The following USP31 variants were observed in gnomAD, a reference collection of about 807,000 sequenced individuals.
The protein encoded by USP31 is ubiquitin carboxyl-terminal hydrolase 31.
A neutral mutation model predicts 119.4 loss-of-function variants in USP31; 44 were observed. That is an observed-to-expected ratio of 0.37 (90% CI 0.29 to 0.47). The LOEUF is 0.47. USP31 is among the 20% of genes least tolerant of loss of function. The pLI, the probability that USP31 is intolerant of heterozygous loss-of-function variation, is 0.99. For synonymous variants in USP31, 749 were observed against 705.6 expected, an observed-to-expected ratio of 1.06 and a Z score of -0.97; for missense variants, 1,643 against 1,730.2, an observed-to-expected ratio of 0.95 and a Z score of 0.89.
At chr16:23,110,049 T>C (rs550316689) in intron 1 of USP31, among the ~76,000 whole-genome samples, 3 of 152,290 alleles carry the variant, frequency 2.0e-5, no homozygotes, top group African/African-American at 7.2e-5. Context: ...ATTTAATCAA[T>C]AGTAATGTAC....
intron 9 of USP31, among the ~76,000 whole-genome samples, chr16:23,086,512 G>A (rs1483708756): frequency 1.3e-5 from 2 of 152,094 alleles, no homozygotes; most frequent in African/African-American, 2.4e-5. Flanking sequence ...GTTGCTGGGG[G>A]TGGGAGGAGG....
At chr16:23,121,067 A>T (rs1902651798) in intron 1 of USP31, among the ~76,000 whole-genome samples, 1 of 152,182 alleles carries the variant, frequency 6.6e-6, no homozygotes. Context: ...CCTTGCATTG[A>T]CTCACTATTC....
chr16:23,090,899 A>T (rs1037346531), intron 6 of USP31, 95 bp from the exon 7 acceptor site: 96 of 1,182,718 alleles, frequency 8.1e-5, no homozygotes, highest in African/African-American at 2.1e-4. Context: ...AATTTTTTTT[A>T]AAAATGTCAT....
chr16:23,148,150 G>A (rs955729021), intron 1 of USP31, among the ~76,000 whole-genome samples: 1 of 152,182 alleles, frequency 6.6e-6, no homozygotes, highest in Non-Finnish European at 1.5e-5. Flanking sequence ...TTAAATATGG[G>A]TAATTCCACA....
In USP31 at chr16:23,137,845, T is replaced by G. The variant is rs896442082; in HGVS notation, c.633+10793A>C. On this transcript the variant is annotated intron_variant, in intron 1 of 15. Coordinates refer to ENST00000219689, the MANE Select transcript of USP31 (RefSeq NM_020718.4). ...AAACGTCCAAAGGAAGAGGACAGAA[T>G]AAGTAAATTATCACTTAGCAAAGTG... Among the ~76,000 whole-genome samples, 3 of 151,746 alleles carry G rather than the reference T, an allele frequency of 2.0e-5. No homozygotes were observed. In the East Asian group the frequency reaches 5.9e-4, roughly 30 times the overall value.
At chr16:23,113,090 G>A (rs1391199260) in intron 1 of USP31, among the ~76,000 whole-genome samples, 3 of 151,968 alleles carry the variant, frequency 2.0e-5, no homozygotes, top group East Asian at 1.9e-4. Context: ...TGGTTGACTC[G>A]GGATGGAAGA....
chr16:23,069,739 C>A, intron 15 of USP31, 123 bp from the exon 16 acceptor site: 6 of 1,305,892 alleles, frequency 4.6e-6, no homozygotes, highest in Non-Finnish European at 6.1e-6. Flanking sequence ...ACCTTCAGAG[C>A]CAGCCCATCT....
intron 6 of USP31, among the ~76,000 whole-genome samples, chr16:23,096,147 G>C (rs1269085593): frequency 2.0e-5 from 3 of 151,958 alleles, no homozygotes; most frequent in Non-Finnish European, 4.4e-5. Flanking sequence ...GATGGAGGAA[G>C]ATCTACCAAG....
intron 1 of USP31, among the ~76,000 whole-genome samples, chr16:23,114,034 G>A (rs938513837): frequency 1.3e-5 from 2 of 152,230 alleles, no homozygotes; most frequent in Middle Eastern, 3.4e-3. Context: ...GAACCTGGGA[G>A]GTGGAGATTG....
In USP31 at chr16:23,090,742, A is replaced by G; in HGVS notation, c.1297T>C (p.Ser433Pro). ...KFGLDYHRLS[S>P]PTQTAAKQGK... ...TGCTTTGCTGCTGTTTGTGTAGGAG[A>G]AGACAGTCTATGATAATCCAAGCCA... is the stretch of plus-strand genomic sequence containing the variant. The change falls in exon 7 of 16, where the codon TCT (serine) becomes CCT (proline). Residue 433 changes from serine to proline, a missense_variant. Coordinates refer to ENST00000219689, the MANE Select transcript of USP31 (RefSeq NM_020718.4). The G allele has an allele frequency of 6.2e-7, 1 of 1,613,798 alleles. No homozygotes were observed. Among genetic ancestry groups the G allele is most frequent in the Non-Finnish European group, 8.5e-7 (1 of 1,179,740 alleles).
chr16:23,130,201 A>G (rs1010614526), intron 1 of USP31, among the ~76,000 whole-genome samples: 25 of 152,214 alleles, frequency 1.6e-4, no homozygotes, highest in Admixed American at 6.5e-4. Flanking sequence ...TTTACATGGT[A>G]CTTTCTGTAT....
intron 15 of USP31, among the ~76,000 whole-genome samples, chr16:23,070,479 T>A (rs888701830): frequency 1.3e-5 from 2 of 152,126 alleles, no homozygotes; most frequent in African/African-American, 4.8e-5. Flanking sequence ...TTTGGGAGGC[T>A]GAGGTGGGCA....
At chr16:23,117,751 C>CTTTTTTTTTTTT (rs67615111) in intron 1 of USP31, among the ~76,000 whole-genome samples, 2 of 141,614 alleles carry the variant, frequency 1.4e-5, no homozygotes, top group African/African-American at 5.1e-5. Context: ...TTTTCCTTTT[C>CTTTTTTTTTTTT]TTTTTTTTTT....
intron 13 of USP31, among the ~76,000 whole-genome samples, chr16:23,077,737 C>T (rs1044558967): frequency 9.9e-5 from 15 of 152,176 alleles, no homozygotes; most frequent in African/African-American, 2.4e-4. Flanking sequence ...GACACTCACA[C>T]GGATAATCAA....
In USP31 at chr16:23,084,846, G is replaced by A; in HGVS notation, c.1830+14C>T. ...CTGCCCTGAGCAACCAAGAAATGCT[G>A]CCCAGTCTCTTACCCGCTCCTCTTT... On this transcript the variant is annotated intron_variant, in intron 11 of 15. Coordinates refer to ENST00000219689, the MANE Select transcript of USP31 (RefSeq NM_020718.4). The A allele has an allele frequency of 6.2e-7, 1 of 1,613,524 alleles. No homozygotes were observed. The highest frequency in any genetic ancestry group is 8.5e-7 in the Non-Finnish European group (1 of 1,179,732).
intron 1 of USP31, among the ~76,000 whole-genome samples, chr16:23,119,621 TTAAA>T (rs1402610731): frequency 6.6e-6 from 1 of 152,224 alleles, no homozygotes; most frequent in East Asian, 1.9e-4. Context: ...TTATCTGCTC[TTAAA>T]TAACTCCTTG....
intron 1 of USP31, among the ~76,000 whole-genome samples, chr16:23,121,718 C>G (rs958719452): frequency 3.9e-5 from 6 of 152,176 alleles, no homozygotes; most frequent in Non-Finnish European, 7.3e-5. Flanking sequence ...TTCTACTTAA[C>G]AACTTAAAGA....
chr16:23,062,334 A>G lies in USP31; in HGVS notation c.*5712T>C, dbSNP rs1001913299. ...TTAATGGTAAAACAAACAAAAAACA[A>G]AACAAAACAAAAACACGAAAAAATA... On this transcript the variant is annotated 3_prime_UTR_variant, in exon 16 of 16. Coordinates refer to ENST00000219689, the MANE Select transcript of USP31 (RefSeq NM_020718.4). The G allele has an allele frequency of 3.9e-5, 6 of 152,558 alleles. No homozygotes were observed. Among genetic ancestry groups the G allele is most frequent in the Non-Finnish European group, 8.8e-5 (6 of 68,030 alleles). 9.5% of individuals were successfully genotyped at this position (152,558 alleles called of 1,614,324 possible).
At chr16:23,097,774 G>C (rs1202140221) in intron 6 of USP31, among the ~76,000 whole-genome samples, 3 of 152,058 alleles carry the variant, frequency 2.0e-5, no homozygotes, top group Non-Finnish European at 4.4e-5. Flanking sequence ...AAATTCAACA[G>C]CCCTTCATGC....
Sources: gnomAD v4.1 joint callset for allele counts (sites outside exome capture counted in the v4.1 genomes callset) on GRCh38, gnomAD v4.1.1 for gene constraint, MANE v1.5 for transcripts, NCBI Gene and HGNC (gene_info 2026-07-23, HGNC 2026-07-21) for gene names.